The following TMEM161A variants were observed in gnomAD, a reference collection of about 807,000 sequenced individuals.
TMEM161A encodes adaptive response to oxidative stress protein 29.
A neutral mutation model predicts 57.1 loss-of-function variants in TMEM161A; 46 were observed. That is an observed-to-expected ratio of 0.81 (90% CI 0.64 to 1.03). TMEM161A has a LOEUF of 1.03. Among genes scored for constraint, TMEM161A ranks in the 50% least tolerant of loss-of-function variants. TMEM161A has a pLI of 0.00. For synonymous variants in TMEM161A, 288 were observed against 279.0 expected, an observed-to-expected ratio of 1.03 and a Z score of -0.32; for missense variants, 601 against 621.5, an observed-to-expected ratio of 0.97 and a Z score of 0.35.
Position 19,131,089 on chromosome 19 carries a change from G to A in TMEM161A, c.444-782C>T, listed in dbSNP as rs536511856. On this transcript the variant is annotated intron_variant, in intron 5 of 11. Coordinates refer to ENST00000162044, the MANE Select transcript of TMEM161A (RefSeq NM_017814.3). ...ACAAAAATTAGTCAGGCATGGTGGC[G>A]CATGCCTGTAATCCCAGCTACTTGG... Among the ~76,000 whole-genome samples the A allele has an allele frequency of 2.6e-5, 4 of 151,276 alleles. No individual in the cohort carries two copies. The South Asian group carries it at 6.3e-4, about 24-fold the overall frequency.
At chr19:19,134,731 C>A in intron 2 of TMEM161A, 53 bp downstream of exon 2, 1 of 1,354,532 alleles carries the variant, frequency 7.4e-7, no homozygotes, top group Non-Finnish European at 1.0e-6. Context: ...GCGTGGGGAG[C>A]CAGAAGGGGG....
chr19:19,133,068 T>C, intron 3 of TMEM161A, 62 bp downstream of exon 3: 1 of 1,505,964 alleles, frequency 6.6e-7, no homozygotes, highest in Non-Finnish European at 9.1e-7. Context: ...TGAGCAGGGG[T>C]GAGGCCGTTC....
At chr19:19,131,768 C>G (rs7408301) in intron 5 of TMEM161A, among the ~76,000 whole-genome samples, 103,454 of 151,488 alleles carry the variant, frequency 0.68, 35,640 homozygotes, top group East Asian at 0.9. Context: ...TCAGATGATC[C>G]ACCTGCCTCG....
At chr19:19,133,496 G>A (rs2059969600) in intron 2 of TMEM161A, 1 of 373,856 alleles carries the variant, frequency 2.7e-6, no homozygotes, top group South Asian at 4.1e-5. Flanking sequence ...TTTTGAGACA[G>A]AGTCTCCCTC....
intron 1 of TMEM161A, among the ~76,000 whole-genome samples, chr19:19,136,420 CTGAGGCGGGCTGATCACT>C (rs1245921660): frequency 6.6e-6 from 1 of 152,074 alleles, no homozygotes; most frequent in African/African-American, 2.4e-5. Context: ...TGTTGGGAGG[CTGAGGCGGGCTGATCACT>C]TGAGGTCAGG....
rs1396657865 is a variant in TMEM161A, at chr19:19,121,787, G to C, written c.628C>G (p.Leu210Val). The change falls in exon 7 of 12, where the codon CTT (leucine) becomes GTT (valine). Residue 210 changes from leucine (L) to valine (V), a missense_variant. Coordinates refer to ENST00000162044, the MANE Select transcript of TMEM161A (RefSeq NM_017814.3). The surrounding 1 kb of genome is among the most constrained non-coding windows in gnomAD (Gnocchi z 5.8). ...CAGTCCCAGCCCTGCTTCTTCAGAA[G>C]TGGCTCTAAGTTCTGGGTCATGCTG... ...LASMTQNLEPLLKKQGWDWAL... is the reference protein window; with the variant it reads ...LASMTQNLEPVLKKQGWDWAL... 1 of 1,614,028 alleles carries C rather than the reference G, an allele frequency of 6.2e-7. No homozygotes were observed. Among genetic ancestry groups the C allele is most frequent in the South Asian group, 1.1e-5 (1 of 91,086 alleles).
chr19:19,125,542 A>G (rs1447379280), intron 6 of TMEM161A, among the ~76,000 whole-genome samples: 3 of 109,460 alleles, frequency 2.7e-5, no homozygotes, highest in African/African-American at 7.4e-5. Flanking sequence ...TTTTAGACGG[A>G]GTCTCGCTCT....
chr19:19,131,738 C>T (rs768911919), intron 5 of TMEM161A, among the ~76,000 whole-genome samples: 3 of 152,126 alleles, frequency 2.0e-5, no homozygotes, highest in Non-Finnish European at 4.4e-5. Flanking sequence ...GTTGGTCAGG[C>T]TGGTCTTGAA....
intron 6 of TMEM161A, among the ~76,000 whole-genome samples, chr19:19,126,463 C>T (rs932225519): frequency 1.3e-5 from 2 of 152,146 alleles, no homozygotes; most frequent in Admixed American, 1.3e-4. Context: ...CAGTGGTGCA[C>T]ACCTGTAATC....
At chr19:19,134,695 C>T (rs2059976313) in intron 2 of TMEM161A, 89 bp downstream of exon 2, 2 of 974,932 alleles carry the variant, frequency 2.1e-6, no homozygotes, top group African/African-American at 3.2e-5. Flanking sequence ...CAACCAAAAT[C>T]AAGGCTTTGC....
chr19:19,136,458 C>G (rs146248738), intron 1 of TMEM161A, among the ~76,000 whole-genome samples: 18 of 151,896 alleles, frequency 1.2e-4, no homozygotes, highest in African/African-American at 3.9e-4. Flanking sequence ...GAGTTTGAGA[C>G]GAGCCTGGCC....
In TMEM161A at chr19:19,121,098, G is replaced by A. The variant is rs200955015; in HGVS notation, c.983C>T (p.Ala328Val). The A allele has an allele frequency of 1.2e-6, 2 of 1,610,398 alleles. No individual in the cohort carries two copies. The highest frequency in any genetic ancestry group is 1.7e-6 in the Non-Finnish European group (2 of 1,179,180). Residue 328 changes from alanine (A) to valine (V), a missense_variant, in exon 10 of 12, where the codon GCG (alanine) becomes GTG (valine). Ala to Val is a moderately conservative substitution (Grantham distance 64). Coordinates refer to ENST00000162044, the MANE Select transcript of TMEM161A (RefSeq NM_017814.3). The surrounding 1 kb of genome is among the most constrained non-coding windows in gnomAD (Gnocchi z 5.8). ...GGCCTGCAGGTGGGGCCGGGTCACC[G>A]CCAGCCGCAGCAGGCACAGCACCAC... ...LLVVLCLLRL[A>V]VTRPHLQAYL...
In TMEM161A at chr19:19,134,819, G is replaced by A. The variant is rs1385534633; in HGVS notation, c.72C>T (p.His24=). The change falls in exon 2 of 12, where the codon CAC becomes CAT. Residue 24 remains histidine (H), a synonymous_variant. Coordinates refer to ENST00000162044, the MANE Select transcript of TMEM161A (RefSeq NM_017814.3). ...TATLMHRLAP[H]CSFARWLLCN... is the part of the protein sequence containing the mutation. ...AGAGCAGCCAGCGCGCGAAGGAGCA[G>A]TGTGGCGCCAGCCTGTGCATGAGGG... 2 of 1,594,646 alleles carry A rather than the reference G, an allele frequency of 1.3e-6. No individual in the cohort carries two copies. Among genetic ancestry groups the A allele is most frequent in the Middle Eastern group, 1.8e-4 (1 of 5,544 alleles).
At position 19,121,565 on chromosome 19, in the gene TMEM161A, G is replaced by A. The variant is rs368120503; in HGVS notation, c.760C>T (p.Arg254Trp). ...FPGLRLAQTHRDALTMSEDRP... is the reference protein window; with the variant it reads ...FPGLRLAQTHWDALTMSEDRP... The stretch of plus-strand genomic sequence containing the variant: ...TCCTCCGACATGGTCAGTGCGTCCC[G>A]GTGGGTCTGGGCCAGCCGCAGGCCT... The change falls in exon 8 of 12, where the codon CGG becomes TGG. Residue 254 changes from arginine (R) to tryptophan (W), a missense_variant. Transcript: ENST00000162044. This position sits in a 1 kb window ranked among gnomAD's most constrained non-coding sequence, Gnocchi z 5.8. The A allele has an allele frequency of 6.9e-5, 111 of 1,613,822 alleles. No individual in the cohort carries two copies. The highest frequency in any genetic ancestry group is 2.3e-4 in the Admixed American group (14 of 60,000).
intron 5 of TMEM161A, 116 bp from the exon 6 acceptor site, chr19:19,130,423 T>C (rs771616134): frequency 5.2e-5 from 70 of 1,358,456 alleles, no homozygotes; most frequent in Non-Finnish European, 6.8e-5. Context: ...CAAATAGGCC[T>C]TGGGGATGAC....
At chr19:19,138,389 C>T (rs1408763964) in intron 1 of TMEM161A, 37 bp downstream of exon 1, 1 of 1,596,892 alleles carries the variant, frequency 6.3e-7, no homozygotes, top group East Asian at 2.3e-5. Context: ...GGACCTCGGC[C>T]CTGCAGAACC....
intron 2 of TMEM161A, 45 bp downstream of exon 2, chr19:19,134,739 G>A (rs2059976579): frequency 1.4e-6 from 2 of 1,415,812 alleles, no homozygotes; most frequent in Non-Finnish European, 1.9e-6. Flanking sequence ...AGCCAGAAGG[G>A]GGCGTGACTC....
rs2059963297 is a variant in TMEM161A, at chr19:19,132,424, T to C, written c.371A>G (p.Tyr124Cys). Residue 124 changes from tyrosine to cysteine, a missense_variant, in exon 5 of 12, where the codon TAC becomes TGC. Transcript: ENST00000162044. This position sits in a 1 kb window ranked among gnomAD's most constrained non-coding sequence, Gnocchi z 4.3. The part of the protein sequence containing the change: ...GGVYLFTEAY[Y>C]YMLGPAKETN... ...CTCCTTGGCTGGTCCCAGCATGTAGTAGTAGGCCTCTGTGAAGAGGTACAC... is the reference window on the plus strand; with the variant it reads ...CTCCTTGGCTGGTCCCAGCATGTAGCAGTAGGCCTCTGTGAAGAGGTACAC... 2 of 1,614,070 alleles carry C rather than the reference T, an allele frequency of 1.2e-6. No individual in the cohort carries two copies. Among genetic ancestry groups the C allele is most frequent in the Non-Finnish European group, 1.7e-6 (2 of 1,180,008 alleles).
At chr19:19,126,657 G>A (rs1205588018) in intron 6 of TMEM161A, among the ~76,000 whole-genome samples, 1 of 152,014 alleles carries the variant, frequency 6.6e-6, no homozygotes, top group Non-Finnish European at 1.5e-5. Context: ...ATCACCTGAG[G>A]TCAGGAGTTA....
Sources: allele counts gnomAD v4.1 joint callset (sites outside exome capture counted in the v4.1 genomes callset), GRCh38; gene constraint gnomAD v4.1.1; non-coding constraint Gnocchi (gnomAD v3.1); transcripts MANE v1.5; gene names NCBI Gene and HGNC (gene_info 2026-07-23, HGNC 2026-07-21).